ZNF425: variants seen among roughly 807,000 people sequenced by gnomAD.
ZNF425 encodes the protein zinc finger protein 425.
A neutral mutation model predicts 17.0 loss-of-function variants in ZNF425; 21 were observed. That is an observed-to-expected ratio of 1.23 (90% CI 0.88 to 1.78). ZNF425 has a LOEUF of 1.78. Ranked by LOEUF, ZNF425 falls within the 40% of genes most tolerant of loss-of-function variation. The pLI is 0.00. For synonymous variants in ZNF425, 433 were observed against 384.1 expected, an observed-to-expected ratio of 1.13 and a Z score of -1.49; for missense variants, 868 against 967.3, an observed-to-expected ratio of 0.90 and a Z score of 1.36.
Position 149,104,496 on chromosome 7 carries a change from C to T in ZNF425, c.1375G>A (p.Ala459Thr), listed in dbSNP as rs1301944149. 2 of 1,595,698 alleles carry T rather than the reference C, an allele frequency of 1.3e-6. No individual in the cohort carries two copies. Among genetic ancestry groups the T allele is most frequent in the African/African-American group, 2.7e-5 (2 of 74,382 alleles). The change falls in exon 4 of 4, where the codon GCC becomes ACC. Residue 459 changes from alanine to threonine, a missense_variant. Ala to Thr is a moderately conservative substitution (Grantham distance 58, BLOSUM62 0). Transcript: ENST00000378061. This position sits in a 1 kb window ranked among gnomAD's most constrained non-coding sequence, Gnocchi z 4.3. ...RGFFWRNAMR[A>T]HQRLHSEQKP... ...TGCTCGCTGTGCAGGCGCTGGTGGGCGCGCATGGCGTTCCTCCAGAAGAAG... is the reference window on the plus strand; with the variant it reads ...TGCTCGCTGTGCAGGCGCTGGTGGGTGCGCATGGCGTTCCTCCAGAAGAAG...
In ZNF425 at chr7:149,103,802, C is replaced by G. The variant is rs766389735; in HGVS notation, c.2069G>C (p.Gly690Ala). The change falls in exon 4 of 4, where the codon GGA becomes GCA. Residue 690 changes from glycine to alanine, a missense_variant. Physicochemically the swap from Gly to Ala is moderately conservative, Grantham distance 60. This residue lies in a region of ZNF425 where 437 missense variants were observed against 444.2 expected (regional missense o/e 0.98). Transcript: ENST00000378061. ...SLKVHLYKHS[G>A]ERPFQCPECG... is the part of the protein sequence containing the mutation. ...CTCGGGACACTGGAAGGGCCTCTCT[C>G]CACTGTGCTTATACAAGTGGACCTT... is the stretch of plus-strand genomic sequence containing the variant. 8.7e-6 allele frequency: 14 copies of G among 1,614,158 alleles called. No homozygotes were observed. The highest frequency in any genetic ancestry group is 1.1e-5 in the South Asian group (1 of 91,080).
rs189474958 is a variant in ZNF425 at position 149,118,440 on chromosome 7, C to T, written c.19-92G>A. Reference sequence around the variant, plus strand: ...ACTTTATTGAGATACAGAAAGAAAACATGTTAATTATTTCTGGATGGTGCC... The same window carrying T: ...ACTTTATTGAGATACAGAAAGAAAATATGTTAATTATTTCTGGATGGTGCC... On this transcript the variant is annotated intron_variant, in intron 1 of 3. Transcript: ENST00000378061. The T allele has an allele frequency of 1.5e-5, 21 of 1,434,932 alleles. No individual in the cohort carries two copies. The Admixed American group carries it at 2.8e-4, about 19-fold the overall frequency. The allele number at this position is 1,434,932 out of a possible 1,614,324, so 88.9% of individuals were successfully genotyped here.
chr7:149,105,302 T>G lies in ZNF425; in HGVS notation c.569A>C (p.Tyr190Ser). The G allele has an allele frequency of 6.2e-7, 1 of 1,614,184 alleles. No homozygotes were observed. Among genetic ancestry groups the G allele is most frequent in the Non-Finnish European group, 8.5e-7 (1 of 1,180,036 alleles). ...GACTTTCCTACAGACATAGCAGGAA[T>G]AGCATCTTGGCCCTGTGGGAATTTC... is the stretch of plus-strand genomic sequence containing the variant. ...RLEIPTGPRC[Y>S]SCYVCRKVFQ... Residue 190 changes from tyrosine to serine, a missense_variant, in exon 4 of 4, where the codon TAT becomes TCT. By Grantham distance (144) the Tyr-to-Ser change is moderately radical (BLOSUM62 -2). Coordinates refer to ENST00000378061, the MANE Select transcript of ZNF425 (RefSeq NM_001001661.3).
In ZNF425 at chr7:149,126,319, G is replaced by A. The variant is rs573771845; in HGVS notation, c.-106C>T. ...CTGGCCCCCAAAGGCAGAGCCGGCC[G>A]GGCGCGGTGCATGCTGGGACTCGGC... On this transcript the variant is annotated 5_prime_UTR_variant, in exon 1 of 4. Transcript: ENST00000378061. 2.7e-6 allele frequency: 4 copies of A among 1,480,756 alleles called. No homozygotes were observed. The highest frequency in any genetic ancestry group is 3.6e-6 in the Non-Finnish European group (4 of 1,113,964). The allele number at this position is 1,480,756 out of a possible 1,614,324, so 91.7% of individuals were successfully genotyped here. A position where few individuals can be genotyped will look rare whatever the true frequency, so the allele number is the denominator to read the frequency against.
At chr7:149,124,429 A>T (rs536102652) in intron 1 of ZNF425, among the ~76,000 whole-genome samples, 1 of 152,362 alleles carries the variant, frequency 6.6e-6, no homozygotes, top group African/African-American at 2.4e-5. Context: ...TGCTGGGATT[A>T]CAGGCGTAAG....
chr7:149,124,545 T>C (rs1047264904), intron 1 of ZNF425, among the ~76,000 whole-genome samples: 1 of 151,982 alleles, frequency 6.6e-6, no homozygotes, highest in Non-Finnish European at 1.5e-5. Context: ...GTTGTTGTTG[T>C]TGGTTTTGTT....
intron 1 of ZNF425, among the ~76,000 whole-genome samples, chr7:149,119,368 G>A (rs1826315931): frequency 6.6e-6 from 1 of 152,046 alleles, no homozygotes; most frequent in South Asian, 2.1e-4. Context: ...ATTAAGGCAC[G>A]AGCCACTACG....
rs148879852 is a variant in ZNF425, at chr7:149,113,117, C to T, written c.146-822G>A. 9.8e-3 allele frequency among the ~76,000 whole-genome samples: 1,479 copies of T among 151,098 alleles called. 28 individuals carry two copies. Among genetic ancestry groups the T allele is most frequent in the African/African-American group, 0.034 (1,391 of 41,174 alleles). The stretch of plus-strand genomic sequence containing the variant: ...TCAGCCTCCCGAGTAGCTGGGATTA[C>T]AGGTACGTGCCACCATGCCTGGCTA... On this transcript the variant is annotated intron_variant, in intron 2 of 3. Transcript: ENST00000378061.
intron 2 of ZNF425, 137 bp downstream of exon 2, chr7:149,118,085 A>G: frequency 1.1e-6 from 1 of 910,584 alleles, no homozygotes; most frequent in South Asian, 1.6e-5. Context: ...CCAGGCCATT[A>G]TAGGAAAGGG....
chr7:149,111,030 G>T (rs2129518024), intron 3 of ZNF425, among the ~76,000 whole-genome samples: 1 of 151,868 alleles, frequency 6.6e-6, no homozygotes, highest in South Asian at 2.1e-4. Flanking sequence ...CCTGACCTCA[G>T]GTGATCCACC....
At chr7:149,107,767 T>C (rs939579974) in intron 3 of ZNF425, among the ~76,000 whole-genome samples, 1 of 152,136 alleles carries the variant, frequency 6.6e-6, no homozygotes, top group Non-Finnish European at 1.5e-5. Flanking sequence ...GATATTCACT[T>C]AAGCCATTAT....
At chr7:149,111,781 A>T (rs1465815247) in intron 3 of ZNF425, among the ~76,000 whole-genome samples, 1 of 151,390 alleles carries the variant, frequency 6.6e-6, no homozygotes, top group Non-Finnish European at 1.5e-5. Context: ...CCACGTTCAA[A>T]CAATTCTCCT....
Position 149,103,471 on chromosome 7 carries a change from G to T in ZNF425, c.*141C>A. The stretch of plus-strand genomic sequence containing the variant: ...GGGCTCAAGCGATCCTCCCACCTGG[G>T]CCTCCCAAAGTAATGGGATTACAGG... On this transcript the variant is annotated 3_prime_UTR_variant, in exon 4 of 4. Transcript: ENST00000378061. 1 of 1,095,034 alleles carries T rather than the reference G, an allele frequency of 9.1e-7. No homozygotes were observed. Among genetic ancestry groups the T allele is most frequent in the Non-Finnish European group, 1.3e-6 (1 of 790,466 alleles). The allele number at this position is 1,095,034 out of a possible 1,614,324, so 67.8% of individuals were successfully genotyped here.
rs778041829 is a variant in ZNF425 at position 149,103,926 on chromosome 7, G to C, written c.1945C>G (p.Gln649Glu). ...ATGTGTTCTGTGAGCCGGTACTGTT[G>C]AGTGAAACTTTTGCCGCACATCACA... ...SCVMCGKSFT[Q>E]QYRLTEHIRV... Residue 649 changes from glutamine (Q) to glutamate (E), a missense_variant, in exon 4 of 4, where the codon CAA (glutamine) becomes GAA (glutamate). By Grantham distance (29) the Gln-to-Glu change is conservative. Around this residue, in one of 5 missense-constraint regions of ZNF425, gnomAD observed 437 missense variants for 444.2 expected, o/e 0.98. Transcript: ENST00000378061. 1.1e-5 allele frequency: 18 copies of C among 1,614,078 alleles called. No homozygotes were observed. The highest frequency in any genetic ancestry group is 1.4e-5 in the Non-Finnish European group (17 of 1,180,012).
intron 3 of ZNF425, among the ~76,000 whole-genome samples, chr7:149,110,688 T>A (rs1186501457): frequency 6.6e-6 from 1 of 151,940 alleles, no homozygotes; most frequent in Non-Finnish European, 1.5e-5. Flanking sequence ...ATAAAAAAAA[T>A]TTTGTACAAA....
Position 149,105,567 on chromosome 7 carries a change from C to G in ZNF425, c.305-1G>C. ...TTTGTCCTGGGAGTTCCTTCGTCAT[C>G]TGGAGCAGAAAGAAGTATCACTCTC... On this transcript the variant is annotated splice_acceptor_variant, in intron 3 of 3. Coordinates refer to ENST00000378061, the MANE Select transcript of ZNF425 (RefSeq NM_001001661.3). LOFTEE classifies it high-confidence loss of function. The G allele has an allele frequency of 6.6e-7, 1 of 1,506,322 alleles. No individual in the cohort carries two copies. Among genetic ancestry groups the G allele is most frequent in the South Asian group, 1.4e-5 (1 of 71,208 alleles). The allele number at this position is 1,506,322 out of a possible 1,614,324, so 93.3% of individuals were successfully genotyped here.
At chr7:149,109,412 TC>T (rs1248650340) in intron 3 of ZNF425, among the ~76,000 whole-genome samples, 1 of 152,120 alleles carries the variant, frequency 6.6e-6, no homozygotes. Flanking sequence ...ATAGATTTGT[TC>T]CTGTCTTTGA....
intron 1 of ZNF425, among the ~76,000 whole-genome samples, chr7:149,125,363 A>G (rs1826444329): frequency 6.6e-6 from 1 of 152,204 alleles, no homozygotes; most frequent in South Asian, 2.1e-4. Flanking sequence ...TTTCAATACT[A>G]CATTACAATA....
At chr7:149,114,909 CTT>C (rs148037144) in intron 2 of ZNF425, among the ~76,000 whole-genome samples, 1 of 143,136 alleles carries the variant, frequency 7.0e-6, no homozygotes, top group Non-Finnish European at 1.5e-5. Flanking sequence ...TACCAAAATT[CTT>C]TTTTTCTTTT....
Sources: gnomAD v4.1 joint callset for allele counts (sites outside exome capture counted in the v4.1 genomes callset) on GRCh38, gnomAD v4.1.1 for gene constraint, gnomAD v4.1.1 regional missense constraint, Gnocchi (gnomAD v3.1) non-coding constraint, MANE v1.5 for transcripts, NCBI Gene and HGNC (gene_info 2026-07-23, HGNC 2026-07-21) for gene names.